Variants in ANO3 observed in about 807,000 individuals in gnomAD.
ANO3 encodes the protein anoctamin-3.
ANO3 carries 99 observed loss-of-function variants against 144.8 expected under a neutral mutation model. The observed-to-expected ratio is 0.68, with a 90% CI of 0.58 to 0.81. ANO3 has a LOEUF of 0.81. ANO3 is among the 30% of genes least tolerant of loss of function. The pLI is 0.00. For missense variants in ANO3, 905 were observed against 1,202.2 expected (o/e 0.75, Z 3.66); for synonymous variants, 414 against 392.6 (o/e 1.05, Z -0.64).
intron 17 of ANO3, among the ~76,000 whole-genome samples, chr11:26,608,552 A>T (rs1375679703): frequency 6.6e-6 from 1 of 152,146 alleles, no homozygotes; most frequent in Non-Finnish European, 1.5e-5. Context: ...GGAAAGGCTA[A>T]GTCTGCTGGT....
intron 19 of ANO3, among the ~76,000 whole-genome samples, chr11:26,634,593 T>G (rs1251496968): frequency 6.6e-6 from 1 of 152,216 alleles, no homozygotes; most frequent in Non-Finnish European, 1.5e-5. Context: ...TTTTTCCACC[T>G]TTAGTGCAAA....
chr11:26,649,748 A>G (rs1046247064), intron 24 of ANO3, among the ~76,000 whole-genome samples: 5 of 127,786 alleles, frequency 3.9e-5, no homozygotes, highest in African/African-American at 1.1e-4. Context: ...AAAAAAAAAT[A>G]TATATTCATA....
intron 1 of ANO3, among the ~76,000 whole-genome samples, chr11:26,406,676 AGTGTGTGTGT>A (rs72102663): frequency 0.042 from 4,956 of 119,312 alleles, 276 homozygotes; most frequent in African/African-American, 0.13. Context: ...AATCTATGGC[AGTGTGTGTGT>A]GTGTGTGTGT....
upstream of ANO3, among the ~76,000 whole-genome samples, chr11:26,329,011 T>C (rs1427228666): frequency 2.0e-5 from 3 of 152,112 alleles, no homozygotes; most frequent in East Asian, 1.9e-4. Context: ...TCATGCCCCC[T>C]CACTAAACAT....
At chr11:26,652,844 T>C (rs144898695) in intron 24 of ANO3, among the ~76,000 whole-genome samples, 3,136 of 152,334 alleles carry the variant, frequency 0.021, 41 homozygotes, top group Non-Finnish European at 0.033. Context: ...ACTTTCACAT[T>C]GTCAAACCCA....
At chr11:26,261,630 T>C (rs536948330) in intron 1 of ANO3, among the ~76,000 whole-genome samples, 1 of 152,210 alleles carries the variant, frequency 6.6e-6, no homozygotes, top group Non-Finnish European at 1.5e-5. Context: ...TGCATCACAC[T>C]TTATTCCACA....
chr11:26,623,699 A>C (rs1218982878), intron 17 of ANO3, among the ~76,000 whole-genome samples: 1 of 152,118 alleles, frequency 6.6e-6, no homozygotes, highest in African/African-American at 2.4e-5. Context: ...CTTTATCAGT[A>C]GGGCAGAATT....
In ANO3 at chr11:26,312,004, C is replaced by T. The variant is rs564143629; in HGVS notation, c.-3+2285C>T. 3.9e-5 allele frequency among the ~76,000 whole-genome samples: 6 copies of T among 152,278 alleles called. 1 individual carries two copies. The South Asian group carries it at 1.2e-3, about 32-fold the overall frequency. Reference sequence around the variant, plus strand: ...CCTAATTCTATCCCTCCGCTCTCCCCCAACCCCACAACAGGCCCCGGTGTG... The same window carrying T: ...CCTAATTCTATCCCTCCGCTCTCCCTCAACCCCACAACAGGCCCCGGTGTG... On this transcript the variant is annotated intron_variant, in intron 1 of 26. Coordinates refer to the ANO3 transcript ENST00000525139.
chr11:26,478,261 G>C lies in ANO3; in HGVS notation c.432+15113G>C, dbSNP rs555661403. 4.6e-5 allele frequency among the ~76,000 whole-genome samples: 7 copies of C among 152,234 alleles called. No individual in the cohort carries two copies. In the South Asian group the frequency reaches 1.5e-3, roughly 32 times the overall value. On this transcript the variant is annotated intron_variant, in intron 4 of 26. Coordinates refer to ENST00000256737, the MANE Select transcript of ANO3 (RefSeq NM_031418.4). ...TGAAAAGCAAGAAAAAGTTTGGAGA[G>C]CCCCAGTATCTCATAACCTTGATCA...
chr11:26,396,717 T>G (rs10834973), intron 1 of ANO3, among the ~76,000 whole-genome samples: 82,048 of 151,716 alleles, frequency 0.54, 23,267 homozygotes, highest in East Asian at 0.69. Context: ...CCACATGTTG[T>G]CACTTATAAG....
At chr11:26,339,392 G>A (rs1315982804) in intron 1 of ANO3, among the ~76,000 whole-genome samples, 1 of 152,106 alleles carries the variant, frequency 6.6e-6, no homozygotes, top group Non-Finnish European at 1.5e-5. Flanking sequence ...TGACCCAGGC[G>A]ATCCGCCTGC....
intron 1 of ANO3, among the ~76,000 whole-genome samples, chr11:26,384,318 C>T (rs1437017898): frequency 6.6e-6 from 1 of 151,908 alleles, no homozygotes; most frequent in African/African-American, 2.4e-5. Context: ...CAATTTTAGA[C>T]CCTGGAAAAT....
intron 1 of ANO3, among the ~76,000 whole-genome samples, chr11:26,271,245 T>G (rs1396409530): frequency 2.0e-5 from 3 of 152,238 alleles, no homozygotes; most frequent in Non-Finnish European, 4.4e-5. Context: ...AGAATTCACA[T>G]ATGCTGGGAT....
At chr11:26,345,655 G>T (rs925154519) in intron 1 of ANO3, among the ~76,000 whole-genome samples, 1 of 152,180 alleles carries the variant, frequency 6.6e-6, no homozygotes, top group Non-Finnish European at 1.5e-5. Context: ...AGAATATTTT[G>T]TAAGATCTAA....
rs561561802 is a variant in ANO3, at chr11:26,231,351, A to G, written c.154+42021A>G. 3.3e-5 allele frequency among the ~76,000 whole-genome samples: 5 copies of G among 152,292 alleles called. No individual in the cohort carries two copies. In the East Asian group the frequency reaches 7.7e-4, roughly 24 times the overall value. ...CAAGCTCTGTGAGAACTATACTTAA[A>G]TGAAACAGAGGCAGATGAGTTACCA... On this transcript the variant is annotated intron_variant, in intron 1 of 27. Coordinates refer to the ANO3 transcript ENST00000672621.
At chr11:26,209,708 T>C (rs1432383554) in intron 1 of ANO3, among the ~76,000 whole-genome samples, 1 of 152,238 alleles carries the variant, frequency 6.6e-6, no homozygotes, top group African/African-American at 2.4e-5. Flanking sequence ...TGGTATCTCA[T>C]TGTGGTTTTG....
chr11:26,634,090 A>AT, intron 18 of ANO3, 114 bp from the exon 19 acceptor site: 1 of 532,654 alleles, frequency 1.9e-6, no homozygotes, highest in Non-Finnish European at 3.2e-6. Flanking sequence ...CAAAAAAAAA[A>AT]AAAAAAAATT....
In ANO3 at chr11:26,639,200, T is replaced by C. The variant is rs780305671; in HGVS notation, c.2100T>C (p.Phe700=). The C allele has an allele frequency of 1.5e-5, 24 of 1,613,592 alleles. No homozygotes were observed. Among genetic ancestry groups the C allele is most frequent in the Non-Finnish European group, 2.0e-5 (24 of 1,179,716 alleles). The change falls in exon 21 of 27, where the codon TTT becomes TTC. Residue 700 remains phenylalanine, a synonymous_variant. Transcript: ENST00000256737. Reference sequence around the variant, plus strand: ...GCCTCCAGATGGGTGTCATCATGTTTTTGAAGCAAATATGGAACAACTTCA... The same window carrying C: ...GCCTCCAGATGGGTGTCATCATGTTCTTGAAGCAAATATGGAACAACTTCA... ...DLCLQMGVIM[F]LKQIWNNFME...
At chr11:26,396,504 T>C (rs186854356) in intron 1 of ANO3, among the ~76,000 whole-genome samples, 320 of 152,298 alleles carry the variant, frequency 2.1e-3, no homozygotes, top group African/African-American at 7.3e-3. Context: ...CATATGTTTA[T>C]TGCAGCACTG....
Sources: gnomAD v4.1 joint callset for allele counts (sites outside exome capture counted in the v4.1 genomes callset) on GRCh38, gnomAD v4.1.1 for gene constraint, MANE v1.5 for transcripts, NCBI Gene and HGNC (gene_info 2026-07-23, HGNC 2026-07-21) for gene names.